The following XIRP1 variants were observed in gnomAD, a reference collection of about 807,000 sequenced individuals.
The protein encoded by XIRP1 is xin actin binding repeat containing 1.
For missense variants in XIRP1, 2,378 were observed against 2,345.4 expected (o/e 1.01, Z -0.29); for synonymous variants, 984 against 947.0 (o/e 1.04, Z -0.72).
chr3:39,186,439 G>A lies in XIRP1; in HGVS notation c.3007C>T (p.Pro1003Ser), dbSNP rs772418491. 26 of 1,614,058 alleles carry A rather than the reference G, an allele frequency of 1.6e-5. 1 individual carries two copies. The South Asian group carries it at 2.7e-4, about 17-fold the overall frequency. Reference protein sequence around the residue: ...CPPQAIGKAVPLAGEAAAPAQ... With the variant: ...CPPQAIGKAVSLAGEAAAPAQ... ...GGTGCTGCAGCTTCCCCAGCCAGAG[G>A]GACTGCCTTTCCAATGGCCTGAGGA... The change falls in exon 2 of 2, where the codon CCT (proline) becomes TCT (serine). Residue 1003 changes from proline (P) to serine (S), a missense_variant. Transcript: ENST00000340369.
At position 39,188,711 on chromosome 3, in the gene XIRP1, A is replaced by G. The variant is rs1180079999; in HGVS notation, c.735T>C (p.Asp245=). The change falls in exon 2 of 2, where the codon GAT becomes GAC. Residue 245 remains aspartate, a synonymous_variant. Coordinates refer to ENST00000340369, the MANE Select transcript of XIRP1 (RefSeq NM_194293.4). ...TGACCTCATGGATGGCGCCCTCTGC[A>G]TCCTGGATGGCACACAGGGGCTCCG... is the stretch of plus-strand genomic sequence containing the variant. ...FQTEPLCAIQ[D]AEGAIHEVKA... The G allele has an allele frequency of 3.1e-6, 5 of 1,613,476 alleles. No homozygotes were observed. The highest frequency in any genetic ancestry group is 4.2e-6 in the Non-Finnish European group (5 of 1,180,034).
chr3:39,189,907 C>T (rs1252435267), intron 1 of XIRP1, among the ~76,000 whole-genome samples: 2 of 152,162 alleles, frequency 1.3e-5, no homozygotes, highest in Non-Finnish European at 2.9e-5. Context: ...TTTTGGAGTC[C>T]CAGCCTTGGA....
Position 39,187,408 on chromosome 3 carries a change from C to G in XIRP1, c.2038G>C (p.Val680Leu), listed in dbSNP as rs141081265. 1.2e-6 allele frequency: 2 copies of G among 1,614,182 alleles called. No individual in the cohort carries two copies. Among genetic ancestry groups the G allele is most frequent in the African/African-American group, 2.7e-5 (2 of 75,038 alleles). ...ASGRPCGRRPVRYCSRVEIPS... is the reference protein window; with the variant it reads ...ASGRPCGRRPLRYCSRVEIPS... ...ATCTCCACGCGGCTGCAGTATCTCA[C>G]AGGCCGTCTTCCACAGGGACGGCCT... Residue 680 changes from valine to leucine, a missense_variant, in exon 2 of 2, where the codon GTG becomes CTG. Val to Leu is a conservative substitution (Grantham distance 32). Coordinates refer to ENST00000340369, the MANE Select transcript of XIRP1 (RefSeq NM_194293.4).
At chr3:39,191,088 C>T (rs896447585) in intron 1 of XIRP1, among the ~76,000 whole-genome samples, 2 of 152,200 alleles carry the variant, frequency 1.3e-5, no homozygotes, top group African/African-American at 4.8e-5. Context: ...CTCCCTATGG[C>T]TACCTCAGAA....
rs970893320 is a variant in XIRP1, at chr3:39,184,011, C to A, written c.5435G>T (p.Arg1812Met). 7.4e-6 allele frequency: 12 copies of A among 1,613,016 alleles called. No individual in the cohort carries two copies. The highest frequency in any genetic ancestry group is 1.0e-5 in the Non-Finnish European group (12 of 1,179,810). The change falls in exon 2 of 2, where the codon AGG becomes ATG. Residue 1812 changes from arginine to methionine, a missense_variant. By Grantham distance (91) the Arg-to-Met change is moderately conservative. Transcript: ENST00000340369. ...CCCAGCTGGGCTGTGCAGGAACTGC[C>A]TCAGCAAGGGGGAGGCGTGGAGCCC... ...HLGLHASPLL[R>M]QFLHSPAGFS...
intron 1 of XIRP1, among the ~76,000 whole-genome samples, chr3:39,192,204 T>A (rs534201982): frequency 1.3e-5 from 2 of 152,344 alleles, no homozygotes; most frequent in South Asian, 4.1e-4. Context: ...CAGGAGCCTA[T>A]CCTTTCTGCT....
In XIRP1 at chr3:39,183,914, T is replaced by G; in HGVS notation, c.5532A>C (p.Ter1844CysextTer20). 6.2e-7 allele frequency: 1 copy of G among 1,608,780 alleles called. No individual in the cohort carries two copies. The highest frequency in any genetic ancestry group is 8.5e-7 in the Non-Finnish European group (1 of 1,179,162). ...CAGGTGTGGTGGGAGGCGGTGGGCC[T>G]CACTGGGCAGCTGGCTGGGAGTAGC... ...SCSYSQPAAQ[*>C] Residue 1844 changes from the stop codon to cysteine, a stop_lost, in exon 2 of 2, where the codon TGA becomes TGC. Coordinates refer to ENST00000340369, the MANE Select transcript of XIRP1 (RefSeq NM_194293.4).
intron 1 of XIRP1, among the ~76,000 whole-genome samples, chr3:39,190,042 G>A (rs1387541532): frequency 4.6e-5 from 7 of 152,178 alleles, no homozygotes; most frequent in Non-Finnish European, 1.0e-4. Flanking sequence ...GGCTGTCAAC[G>A]CACTCCAACC....
rs1414026727 is a variant in XIRP1, at chr3:39,188,372, C to T, written c.1074G>A (p.Lys358=). 1.9e-6 allele frequency: 3 copies of T among 1,614,024 alleles called. No individual in the cohort carries two copies. Among genetic ancestry groups the T allele is most frequent in the African/African-American group, 1.3e-5 (1 of 75,056 alleles). The part of the protein sequence containing the change: ...LFETRALDTL[K]GDEEAGAEAP... ...CCTCTGCTCCAGCCTCTTCGTCCCC[C>T]TTCAGAGTGTCCAGCGCTCGGGTCT... Residue 358 remains lysine (K), a synonymous_variant, in exon 2 of 2, where the codon AAG becomes AAA. Coordinates refer to ENST00000340369, the MANE Select transcript of XIRP1 (RefSeq NM_194293.4).
At position 39,183,723 on chromosome 3, in the gene XIRP1, C is replaced by T. The variant is rs2039905323; in HGVS notation, c.*191G>A. On this transcript the variant is annotated 3_prime_UTR_variant, in exon 2 of 2. Transcript: ENST00000340369. The stretch of plus-strand genomic sequence containing the variant: ...TGCAACTCTGTGGGCCTCTTCCAGA[C>T]CTTTCTTTTTCCATTTGGAAGAACT... 2.0e-6 allele frequency: 2 copies of T among 1,019,324 alleles called. No individual in the cohort carries two copies. The highest frequency in any genetic ancestry group is 3.5e-5 in the South Asian group (2 of 56,708). 63.1% of individuals were successfully genotyped at this position (1,019,324 alleles called of 1,614,324 possible).
In XIRP1 at chr3:39,188,383, C is replaced by G; in HGVS notation, c.1063G>C (p.Asp355His). 2 of 1,613,652 alleles carry G rather than the reference C, an allele frequency of 1.2e-6. No homozygotes were observed. Among genetic ancestry groups the G allele is most frequent in the Non-Finnish European group, 1.7e-6 (2 of 1,179,596 alleles). The change falls in exon 2 of 2, where the codon GAC becomes CAC. Residue 355 changes from aspartate (D) to histidine (H), a missense_variant. Coordinates refer to ENST00000340369, the MANE Select transcript of XIRP1 (RefSeq NM_194293.4). ...GCCTCTTCGTCCCCCTTCAGAGTGTCCAGCGCTCGGGTCTCAAACAGATGC... is the reference window on the plus strand; with the variant it reads ...GCCTCTTCGTCCCCCTTCAGAGTGTGCAGCGCTCGGGTCTCAAACAGATGC... Reference protein sequence around the residue: ...QQHLFETRALDTLKGDEEAGA... With the variant: ...QQHLFETRALHTLKGDEEAGA...
At position 39,183,834 on chromosome 3, in the gene XIRP1, A is replaced by G. The variant is rs1049578983; in HGVS notation, c.*80T>C. 5 of 1,510,930 alleles carry G rather than the reference A, an allele frequency of 3.3e-6. No individual in the cohort carries two copies. The highest frequency in any genetic ancestry group is 3.5e-6 in the Non-Finnish European group (4 of 1,132,314). 93.6% of individuals were successfully genotyped at this position (1,510,930 alleles called of 1,614,324 possible). A position where few individuals can be genotyped will look rare whatever the true frequency, so the allele number is the denominator to read the frequency against. On this transcript the variant is annotated 3_prime_UTR_variant, in exon 2 of 2. Coordinates refer to ENST00000340369, the MANE Select transcript of XIRP1 (RefSeq NM_194293.4). ...TTCCTCTTGGTCCTTGCTCCAGTGT[A>G]CAGGAGGCAGGTACCCACTTCAGTC...
Position 39,188,088 on chromosome 3 carries a change from A to G in XIRP1, c.1358T>C (p.Ile453Thr), listed in dbSNP as rs967312643. 6.2e-7 allele frequency: 1 copy of G among 1,614,194 alleles called. No individual in the cohort carries two copies. Among genetic ancestry groups the G allele is most frequent in the Non-Finnish European group, 8.5e-7 (1 of 1,180,030 alleles). The change falls in exon 2 of 2, where the codon ATT becomes ACT. Residue 453 changes from isoleucine (I) to threonine (T), a missense_variant. By Grantham distance (89) the Ile-to-Thr change is moderately conservative. Coordinates refer to ENST00000340369, the MANE Select transcript of XIRP1 (RefSeq NM_194293.4). The stretch of plus-strand genomic sequence containing the variant: ...ATGGGCCAGAACCTCACCCTGTCCA[A>G]TGCTGTCCAAGGGAAGGGTCTCAAA... Reference protein sequence around the residue: ...NLFETLPLDSIGQGEVLAHGS... With the variant: ...NLFETLPLDSTGQGEVLAHGS...
rs1300476284 is a variant in XIRP1, at chr3:39,185,829, GGCCCCCAGGCCATCTGTGTGCA to G, written c.3595_3616del (p.Cys1199HisfsTer21). ...GACTTCTGCCATCGCCTTCCCTGGT[GGCCCCCAGGCCATCTGTGTGCA>G]GCCCCCAGGCTCCTCCCGCCCTGGC... On this transcript the variant is annotated frameshift_variant, in exon 2 of 2. Transcript: ENST00000340369. LOFTEE classifies it low-confidence loss of function (END_TRUNC). 6.2e-7 allele frequency: 1 copy of G among 1,613,720 alleles called. No individual in the cohort carries two copies. Among genetic ancestry groups the G allele is most frequent in the Non-Finnish European group, 8.5e-7 (1 of 1,179,858 alleles).
rs1329476318 is a variant in XIRP1 at position 39,188,766 on chromosome 3, T to G, written c.680A>C (p.Asp227Ala). 6.2e-7 allele frequency: 1 copy of G among 1,613,718 alleles called. No individual in the cohort carries two copies. The highest frequency in any genetic ancestry group is 1.7e-5 in the Admixed American group (1 of 60,034). ...LRSEIQELKG[D>A]VKKTVKLFQT... ...GAAGAGCTTCACTGTCTTTTTCACA[T>G]CACCCTTCAGCTCCTGGATCTCTGA... Residue 227 changes from aspartate (D) to alanine (A), a missense_variant, in exon 2 of 2, where the codon GAT (aspartate) becomes GCT (alanine). Coordinates refer to ENST00000340369, the MANE Select transcript of XIRP1 (RefSeq NM_194293.4).
Position 39,188,066 on chromosome 3 carries a change from G to A in XIRP1, c.1380C>T (p.Ala460=). The change falls in exon 2 of 2, where the codon GCC becomes GCT. Residue 460 remains alanine, a synonymous_variant. Coordinates refer to ENST00000340369, the MANE Select transcript of XIRP1 (RefSeq NM_194293.4). ...CTTCTTCTCTGCTTGGACTCCCATG[G>A]GCCAGAACCTCACCCTGTCCAATGC... The part of the protein sequence containing the change: ...LDSIGQGEVL[A]HGSPSREEGT... 1 of 1,614,136 alleles carries A rather than the reference G, an allele frequency of 6.2e-7. No homozygotes were observed. Among genetic ancestry groups the A allele is most frequent in the Non-Finnish European group, 8.5e-7 (1 of 1,180,026 alleles).
chr3:39,185,178 GA>G lies in XIRP1; in HGVS notation c.4267del (p.Ser1423LeufsTer53). On this transcript the variant is annotated frameshift_variant, in exon 2 of 2. Transcript: ENST00000340369. LOFTEE classifies it low-confidence loss of function (END_TRUNC). ...NQATGSNAQS[S>X]EPPKLNALNH... ...GAGGGCATTGAGCTTGGGGGGCTCA[GA>G]GCTCTGGGCATTGCTGCCTGTAGCC... 1 of 1,611,670 alleles carries G rather than the reference GA, an allele frequency of 6.2e-7. No homozygotes were observed.
intron 1 of XIRP1, among the ~76,000 whole-genome samples, chr3:39,190,487 A>C (rs1250894699): frequency 6.6e-6 from 1 of 152,122 alleles, no homozygotes; most frequent in African/African-American, 2.4e-5. Flanking sequence ...CCATGGGATC[A>C]GGGTCCTTTC....
At position 39,186,552 on chromosome 3, in the gene XIRP1, T is replaced by C; in HGVS notation, c.2894A>G (p.His965Arg). ...VPASEGAQSLHPTESIIHVPP... is the reference protein window; with the variant it reads ...VPASEGAQSLRPTESIIHVPP... ...AACATGGATGATGCTCTCAGTTGGG[T>C]GCAGGCTCTGGGCCCCCTCGCTGGC... The change falls in exon 2 of 2, where the codon CAC becomes CGC. Residue 965 changes from histidine to arginine, a missense_variant. Transcript: ENST00000340369. 6.2e-7 allele frequency: 1 copy of C among 1,611,818 alleles called. No individual in the cohort carries two copies. Among genetic ancestry groups the C allele is most frequent in the Non-Finnish European group, 8.5e-7 (1 of 1,178,740 alleles).
Sources: allele counts gnomAD v4.1 joint callset (sites outside exome capture counted in the v4.1 genomes callset), GRCh38; gene constraint gnomAD v4.1.1; transcripts MANE v1.5; gene names NCBI Gene and HGNC (gene_info 2026-07-23, HGNC 2026-07-21).